The following KCTD14 variants were observed in gnomAD, a reference collection of about 807,000 sequenced individuals.
KCTD14 encodes BTB/POZ domain-containing protein KCTD14.
In KCTD14, 7 loss-of-function variants were observed where a neutral mutation model predicts 5.9. The observed-to-expected ratio is 1.19, with a 90% confidence interval of 0.68 to 2.23. The LOEUF (loss-of-function observed/expected upper bound fraction) is 2.23, where lower values mean the gene tolerates loss of function less well. Ranked by LOEUF, KCTD14 falls within the 30% of genes most tolerant of loss-of-function variation. The pLI, the probability that KCTD14 is intolerant of heterozygous loss-of-function variation, is 0.00. For synonymous variants in KCTD14, 140 were observed against 133.1 expected (o/e 1.05, Z -0.36); for missense variants, 342 against 332.2 (o/e 1.03, Z -0.23).
intron 1 of KCTD14, among the ~76,000 whole-genome samples, chr11:78,020,555 G>A (rs1428754016): frequency 6.6e-6 from 1 of 152,256 alleles, no homozygotes; most frequent in African/African-American, 2.4e-5. Flanking sequence ...TGGCAGGGCT[G>A]TTTGGTTAAC....
intron 1 of KCTD14, among the ~76,000 whole-genome samples, chr11:78,019,888 A>C (rs185739398): frequency 2.6e-4 from 40 of 152,262 alleles, no homozygotes; most frequent in Non-Finnish European, 4.4e-4. Context: ...GGTCCGTTTT[A>C]CTCCAAGCTT....
intron 1 of KCTD14, 134 bp from the exon 2 acceptor site, chr11:78,017,404 C>G: frequency 8.7e-7 from 1 of 1,152,652 alleles, no homozygotes; most frequent in South Asian, 1.8e-5. Context: ...AAAGGCCCAT[C>G]TTACTAAAGA....
chr11:78,016,465 A>G lies in KCTD14; in HGVS notation c.*128T>C, dbSNP rs1857166283. ...GTCCTTAAACGAGTGATCAATATTT[A>G]GTGGCAAGACTCTAGACCAACCCTG... On this transcript the variant is annotated 3_prime_UTR_variant, in exon 2 of 2. Coordinates refer to ENST00000353172, the MANE Select transcript of KCTD14 (RefSeq NM_023930.4). The G allele has an allele frequency of 5.4e-6, 4 of 736,546 alleles. No individual in the cohort carries two copies. The Admixed American group carries it at 1.2e-4, about 21-fold the overall frequency. The allele number at this position is 736,546 out of a possible 1,614,324, so 45.6% of individuals were successfully genotyped here.
intron 1 of KCTD14, among the ~76,000 whole-genome samples, chr11:78,021,269 G>C (rs1857295911): frequency 8.2e-6 from 1 of 122,216 alleles, no homozygotes; most frequent in South Asian, 2.8e-4. Flanking sequence ...CTGCACTCCA[G>C]CCTAGGTGAC....
At chr11:78,018,637 G>T (rs1264638162) in intron 1 of KCTD14, among the ~76,000 whole-genome samples, 1 of 151,938 alleles carries the variant, frequency 6.6e-6, no homozygotes, top group Non-Finnish European at 1.5e-5. Context: ...AACCCAGGAG[G>T]CAGAGGTTAC....
At position 78,023,093 on chromosome 11, in the gene KCTD14, G is replaced by A. The variant is rs899188970; in HGVS notation, c.90+67C>T. 8 of 1,083,668 alleles carry A rather than the reference G, an allele frequency of 7.4e-6. No individual in the cohort carries two copies. The Admixed American group carries it at 1.3e-4, about 17-fold the overall frequency. The allele number at this position is 1,083,668 out of a possible 1,614,324, so 67.1% of individuals were successfully genotyped here. A position where few individuals can be genotyped will look rare whatever the true frequency, so the allele number is the denominator to read the frequency against. ...AGGGACGGGCAGGAGAAACTGGAAG[G>A]GAGGGAAGAGGCGGAGGGAAGAGGC... is the stretch of plus-strand genomic sequence containing the variant. On this transcript the variant is annotated intron_variant, in intron 1 of 1. Transcript: ENST00000353172.
At chr11:78,020,179 T>C (rs1403055758) in intron 1 of KCTD14, among the ~76,000 whole-genome samples, 1 of 152,240 alleles carries the variant, frequency 6.6e-6, no homozygotes, top group East Asian at 1.9e-4. Context: ...GAAGGTTTCC[T>C]AAGGGATGTG....
intron 2 of KCTD14, among the ~76,000 whole-genome samples, chr11:78,030,497 C>T (rs1857585903): frequency 6.6e-6 from 1 of 152,324 alleles, no homozygotes; most frequent in South Asian, 2.1e-4. Context: ...CTCTGTGATC[C>T]TGCCTTGCTT....
chr11:78,031,379 A>T (rs1008490235), intron 2 of KCTD14, among the ~76,000 whole-genome samples: 1 of 151,532 alleles, frequency 6.6e-6, no homozygotes, highest in African/African-American at 2.4e-5. Context: ...ATTTTTTAAA[A>T]TTTATTTTAT....
rs376094397 is a variant in KCTD14 at position 78,016,743 on chromosome 11, C to T, written c.618G>A (p.Ala206=). The change falls in exon 2 of 2, where the codon GCG becomes GCA. Residue 206 remains alanine, a synonymous_variant. Transcript: ENST00000353172. The stretch of plus-strand genomic sequence containing the variant: ...GCATGAGGTCGCTGTTGTCTAGGAC[C>T]GCCTTCCAGGGCCCAAACTTGACAA... ...KSVVKFGPWK[A]VLDNSDLMHC... 6.1e-5 allele frequency: 98 copies of T among 1,614,066 alleles called. No individual in the cohort carries two copies. In the East Asian group the frequency reaches 1.0e-3, roughly 17 times the overall value.
chr11:78,039,375 T>A lies in KCTD14; in HGVS notation c.-95-617A>T, dbSNP rs868490823. Among the ~76,000 whole-genome samples the A allele has an allele frequency of 7.4e-5, 11 of 147,960 alleles. No homozygotes were observed. The East Asian group carries it at 1.6e-3, about 21-fold the overall frequency. ...CTACAAAAAATACAAAAAAAATAAA[T>A]AAAATTAGCCAGGTGTGGTGGTGTG... is the stretch of plus-strand genomic sequence containing the variant. On this transcript the variant is annotated intron_variant, in intron 1 of 2. Transcript: ENST00000533144.
At chr11:78,033,681 C>CAA (rs34822968) in intron 2 of KCTD14, among the ~76,000 whole-genome samples, 1 of 127,992 alleles carries the variant, frequency 7.8e-6, no homozygotes, top group African/African-American at 3.0e-5. Flanking sequence ...GACTCCTTCT[C>CAA]AAAAAAAAAA....
upstream of KCTD14, among the ~76,000 whole-genome samples, chr11:78,025,034 C>T (rs551753998): frequency 1.0e-4 from 15 of 143,192 alleles, 1 homozygote; most frequent in South Asian, 4.4e-4. Context: ...TTTAACTCCC[C>T]GTTATATATA....
Position 78,017,120 on chromosome 11 carries a change from G to T in KCTD14, c.241C>A (p.Arg81Ser). Residue 81 changes from arginine to serine, a missense_variant, in exon 2 of 2, where the codon CGC (arginine) becomes AGC (serine). Physicochemically the swap from Arg to Ser is moderately radical, Grantham distance 110 (BLOSUM62 -1). Coordinates refer to ENST00000353172, the MANE Select transcript of KCTD14 (RefSeq NM_023930.4). ...ATGGGTCTGAAATAGGTGCTGGGGC[G>T]GTCGATGAAGAAGCGGCCCTCCGCG... is the stretch of plus-strand genomic sequence containing the variant. The part of the protein sequence containing the change: ...TDAEGRFFID[R>S]PSTYFRPILD... The T allele has an allele frequency of 6.2e-7, 1 of 1,614,138 alleles. No individual in the cohort carries two copies. The highest frequency in any genetic ancestry group is 8.5e-7 in the Non-Finnish European group (1 of 1,180,020).
intron 2 of KCTD14, among the ~76,000 whole-genome samples, chr11:78,030,359 G>A (rs911207310): frequency 6.6e-6 from 1 of 152,170 alleles, no homozygotes; most frequent in African/African-American, 2.4e-5. Flanking sequence ...CAGGAGACGA[G>A]AGAGCAGGGC....
At chr11:78,029,235 G>A (rs1857552075) in intron 2 of KCTD14, among the ~76,000 whole-genome samples, 1 of 151,726 alleles carries the variant, frequency 6.6e-6, no homozygotes, top group African/African-American at 2.4e-5. Flanking sequence ...AAGGGGGTAA[G>A]GACGGCTTAG....
rs368467821 is a variant in KCTD14 at position 78,016,638 on chromosome 11, G to A, written c.723C>T (p.Asn241=). ...ATGAATAAATGTTAAAATGGAATTC[G>A]TTTCTTTTGGTGGGGTACGTCAGGT... ...KFYLTYPTKR[N]EFHFNIYSFT... is the part of the protein sequence containing the mutation. The change falls in exon 2 of 2, where the codon AAC becomes AAT. Residue 241 remains asparagine, a synonymous_variant. Transcript: ENST00000353172. 8.2e-5 allele frequency: 133 copies of A among 1,614,158 alleles called. No homozygotes were observed. The highest frequency in any genetic ancestry group is 4.3e-4 in the South Asian group (39 of 91,080).
At position 78,016,819 on chromosome 11, in the gene KCTD14, T is replaced by C. The variant is rs766163977; in HGVS notation, c.542A>G (p.Tyr181Cys). 6.2e-7 allele frequency: 1 copy of C among 1,614,132 alleles called. No homozygotes were observed. Among genetic ancestry groups the C allele is most frequent in the Non-Finnish European group, 8.5e-7 (1 of 1,179,994 alleles). The change falls in exon 2 of 2, where the codon TAT becomes TGT. Residue 181 changes from tyrosine (Y) to cysteine (C), a missense_variant. Tyr to Cys is a radical substitution (Grantham distance 194). Transcript: ENST00000353172. ...CAGAAAACACAGGACCTCTGAATAATATGCATCCTGCTCCTCAGTTTCCAC... is the reference window on the plus strand; with the variant it reads ...CAGAAAACACAGGACCTCTGAATAACATGCATCCTGCTCCTCAGTTTCCAC... ...CLVETEEQDA[Y>C]YSEVLCFLQD...
chr11:78,037,167 T>C (rs1565316855), intron 2 of KCTD14, among the ~76,000 whole-genome samples: 1 of 152,146 alleles, frequency 6.6e-6, no homozygotes, highest in Non-Finnish European at 1.5e-5. Context: ...ATGTGAATCA[T>C]TCCTGGACAA....
Sources: gnomAD v4.1 joint callset for allele counts (sites outside exome capture counted in the v4.1 genomes callset) on GRCh38, gnomAD v4.1.1 for gene constraint, MANE v1.5 for transcripts, NCBI Gene and HGNC (gene_info 2026-07-23, HGNC 2026-07-21) for gene names.